Variants in PPP1R13B observed in about 807,000 individuals in gnomAD.
The protein encoded by PPP1R13B is apoptosis-stimulating of p53 protein 1.
Under a neutral mutation model 119.8 loss-of-function variants are expected in PPP1R13B, and 44 were observed. That is an observed-to-expected ratio of 0.37 (90% confidence interval 0.29 to 0.47). The LOEUF (loss-of-function observed/expected upper bound fraction) is 0.47. PPP1R13B is among the 20% of genes least tolerant of loss of function. The pLI, the probability that PPP1R13B is intolerant of heterozygous loss-of-function variation, is 0.99. For synonymous variants in PPP1R13B, 542 were observed against 561.5 expected (o/e 0.97, Z 0.49); for missense variants, 1,227 against 1,413.5 (o/e 0.87, Z 2.12).
chr14:103,786,327 C>T (rs1380158318), intron 2 of PPP1R13B, among the ~76,000 whole-genome samples: 1 of 152,220 alleles, frequency 6.6e-6, no homozygotes, highest in African/African-American at 2.4e-5. Flanking sequence ...CAGGTGTAAG[C>T]CACTGTACCT....
intron 1 of PPP1R13B, among the ~76,000 whole-genome samples, chr14:103,808,204 A>T (rs554260857): frequency 1.9e-4 from 29 of 151,972 alleles, no homozygotes; most frequent in African/African-American, 7.0e-4. Context: ...AGATCACGCC[A>T]CTGCACGCCA....
At chr14:103,796,684 C>T (rs930625395) in intron 2 of PPP1R13B, among the ~76,000 whole-genome samples, 2 of 152,100 alleles carry the variant, frequency 1.3e-5, no homozygotes, top group Non-Finnish European at 2.9e-5. Context: ...TTGTCAGGTG[C>T]GGTGGCTCAT....
rs1045984920 is a variant in PPP1R13B at position 103,734,354 on chromosome 14, C to T, written c.*800G>A. ...CAACCCCAACCACCCTCCGCTGCCA[C>T]GGCCTCCAGCACCTGACTCCATTCA... On this transcript the variant is annotated 3_prime_UTR_variant, in exon 17 of 17. Transcript: ENST00000202556. 6.4e-5 allele frequency: 24 copies of T among 374,714 alleles called. No homozygotes were observed. The highest frequency in any genetic ancestry group is 1.0e-4 in the Non-Finnish European group (19 of 185,728). 23.2% of individuals were successfully genotyped at this position (374,714 alleles called of 1,614,324 possible). A position where few individuals can be genotyped will look rare whatever the true frequency, so the allele number is the denominator to read the frequency against.
At chr14:103,763,678 A>G (rs1314352986) in intron 4 of PPP1R13B, among the ~76,000 whole-genome samples, 1 of 152,148 alleles carries the variant, frequency 6.6e-6, no homozygotes, top group Non-Finnish European at 1.5e-5. Flanking sequence ...CCTAAAATTC[A>G]CCCATTGTAA....
At position 103,739,016 on chromosome 14, in the gene PPP1R13B, C is replaced by T. The variant is rs781618598; in HGVS notation, c.2600G>A (p.Arg867Gln). Reference sequence around the variant, plus strand: ...CGAGTTGGGCTTCTTCAAGTTGGTCCGCTTGTTCTGTTGGGAAGGAAGCAC... The same window carrying T: ...CGAGTTGGGCTTCTTCAAGTTGGTCTGCTTGTTCTGTTGGGAAGGAAGCAC... ...SHPPATSTNK[R>Q]TNLKKPNSER... Residue 867 changes from arginine (R) to glutamine (Q), a missense_variant, in exon 13 of 17, where the codon CGG (arginine) becomes CAG (glutamine). By Grantham distance (43) the Arg-to-Gln change is conservative. Coordinates refer to ENST00000202556, the MANE Select transcript of PPP1R13B (RefSeq NM_015316.3). 2.4e-5 allele frequency: 39 copies of T among 1,613,162 alleles called. No individual in the cohort carries two copies. Among genetic ancestry groups the T allele is most frequent in the Non-Finnish European group, 3.0e-5 (35 of 1,179,598 alleles).
chr14:103,805,464 A>T (rs988307197), intron 1 of PPP1R13B, among the ~76,000 whole-genome samples: 1 of 152,014 alleles, frequency 6.6e-6, no homozygotes, highest in East Asian at 1.9e-4. Flanking sequence ...CCAGCTACTC[A>T]GGAAGCCTAG....
chr14:103,818,464 T>A (rs1389228991), intron 1 of PPP1R13B: 1 of 973,116 alleles, frequency 1.0e-6, no homozygotes, highest in Non-Finnish European at 1.2e-6. Flanking sequence ...TTTCTCAATG[T>A]TAATATTGTC....
chr14:103,751,797 C>T (rs911605153), intron 7 of PPP1R13B, among the ~76,000 whole-genome samples: 2 of 152,108 alleles, frequency 1.3e-5, no homozygotes, highest in Admixed American at 6.5e-5. Flanking sequence ...GCCTCCAGAA[C>T]AGTGGGAAAT....
intron 1 of PPP1R13B, among the ~76,000 whole-genome samples, chr14:103,835,852 G>A (rs1261445977): frequency 4.0e-5 from 6 of 151,592 alleles, no homozygotes; most frequent in Admixed American, 1.3e-4. Flanking sequence ...CTCGTGATCC[G>A]CCTGCCTCGG....
intron 1 of PPP1R13B, among the ~76,000 whole-genome samples, chr14:103,836,066 GAC>G (rs956548826): frequency 2.1e-5 from 3 of 143,222 alleles, no homozygotes; most frequent in Middle Eastern, 3.5e-3. Flanking sequence ...TTTTTTTTAA[GAC>G]ACAGTCTCAC....
chr14:103,803,867 C>T (rs542290469), intron 1 of PPP1R13B, among the ~76,000 whole-genome samples: 1 of 152,290 alleles, frequency 6.6e-6, no homozygotes, highest in South Asian at 2.1e-4. Flanking sequence ...TCTACCCATC[C>T]TGACCTGACC....
intron 2 of PPP1R13B, chr14:103,794,734 C>T (rs1396070739): frequency 5.4e-6 from 2 of 371,872 alleles, no homozygotes; most frequent in East Asian, 8.0e-5. Context: ...ACAGTGCTTG[C>T]CCTCTCCCTT....
intron 3 of PPP1R13B, among the ~76,000 whole-genome samples, chr14:103,780,492 A>G (rs1338967444): frequency 2.0e-5 from 3 of 147,266 alleles, no homozygotes; most frequent in Admixed American, 2.0e-4. Flanking sequence ...TCTCAAAAAA[A>G]AAAAAAAAAA....
chr14:103,824,610 C>T (rs1323860646), intron 1 of PPP1R13B, among the ~76,000 whole-genome samples: 4 of 151,216 alleles, frequency 2.6e-5, no homozygotes, highest in Middle Eastern at 3.4e-3. Context: ...GCACGAGAAT[C>T]GGTTGAACTG....
intron 1 of PPP1R13B, among the ~76,000 whole-genome samples, chr14:103,815,168 AAGCC>A (rs2086248807): frequency 6.6e-6 from 1 of 152,188 alleles, no homozygotes; most frequent in Non-Finnish European, 1.5e-5. Context: ...CAAGTGAAAG[AAGCC>A]AGATACAAAA....
chr14:103,762,739 C>T (rs1258051187), intron 4 of PPP1R13B: 28 of 671,464 alleles, frequency 4.2e-5, no homozygotes, highest in South Asian at 3.2e-4. Context: ...GGGGGTGAGA[C>T]GGATGGGGGT....
intron 3 of PPP1R13B, among the ~76,000 whole-genome samples, chr14:103,784,007 C>T (rs1297389545): frequency 6.6e-6 from 1 of 152,078 alleles, no homozygotes; most frequent in Non-Finnish European, 1.5e-5. Context: ...TTTGACCAAT[C>T]TGATATTTAC....
intron 2 of PPP1R13B, among the ~76,000 whole-genome samples, chr14:103,791,695 G>A (rs1015610720): frequency 6.6e-6 from 1 of 152,202 alleles, no homozygotes; most frequent in African/African-American, 2.4e-5. Flanking sequence ...GGGCACTCCA[G>A]CCTGGGACAG....
In PPP1R13B at chr14:103,742,997, C is replaced by G. The variant is rs1490679772; in HGVS notation, c.1151-174G>C. 3 of 689,060 alleles carry G rather than the reference C, an allele frequency of 4.4e-6. No individual in the cohort carries two copies. The highest frequency in any genetic ancestry group is 4.8e-6 in the Non-Finnish European group (2 of 417,262). 42.7% of individuals were successfully genotyped at this position (689,060 alleles called of 1,614,324 possible). On this transcript the variant is annotated intron_variant, in intron 9 of 16. Coordinates refer to ENST00000202556, the MANE Select transcript of PPP1R13B (RefSeq NM_015316.3). This position sits in a 1 kb window ranked among gnomAD's most constrained non-coding sequence, Gnocchi z 4.9. ...CACAACTGCTGATCTCCTCCAGCAC[C>G]CACAGACCCGTGCACAAGACCAAGG...
Sources: gnomAD v4.1 joint callset for allele counts (sites outside exome capture counted in the v4.1 genomes callset) on GRCh38, gnomAD v4.1.1 for gene constraint, Gnocchi (gnomAD v3.1) non-coding constraint, MANE v1.5 for transcripts, NCBI Gene and HGNC (gene_info 2026-07-23, HGNC 2026-07-21) for gene names.